The following EIF2B3 variants were observed in gnomAD, a reference collection of about 807,000 sequenced individuals.
EIF2B3 encodes the protein eukaryotic translation initiation factor 2B subunit gamma.
EIF2B3 carries 20 observed loss-of-function variants against 54.1 expected under a neutral mutation model. That is an observed-to-expected ratio of 0.37 (90% CI 0.26 to 0.54). The LOEUF (loss-of-function observed/expected upper bound fraction) is 0.54. Ranked by LOEUF, EIF2B3 falls within the 20% of genes least tolerant of loss-of-function variation. The pLI is 0.86. For missense variants in EIF2B3, 448 were observed against 547.8 expected, an observed-to-expected ratio of 0.82 and a Z score of 1.82; for synonymous variants, 153 against 188.1, an observed-to-expected ratio of 0.81 and a Z score of 1.52.
chr1:44,925,129 C>T (rs1008087310), intron 5 of EIF2B3: 1 of 152,068 alleles, frequency 6.6e-6, no homozygotes, highest in Admixed American at 6.6e-5. Context: ...GTAGTTTCCT[C>T]AAAAAATTAA....
At chr1:44,956,404 T>TA (rs1644225409) in intron 3 of EIF2B3, among the ~76,000 whole-genome samples, 1 of 151,836 alleles carries the variant, frequency 6.6e-6, no homozygotes, top group Non-Finnish European at 1.5e-5. Flanking sequence ...TTAGGAGAAA[T>TA]ACCTAATGTA....
chr1:44,876,255 G>A (rs1172961676), intron 8 of EIF2B3, among the ~76,000 whole-genome samples: 3 of 150,988 alleles, frequency 2.0e-5, no homozygotes, highest in East Asian at 4.0e-4. Context: ...CATCTAGGAG[G>A]TGAGGAGCAC....
chr1:44,899,955 G>A (rs886785309), intron 5 of EIF2B3, among the ~76,000 whole-genome samples: 2 of 152,142 alleles, frequency 1.3e-5, no homozygotes, highest in African/African-American at 4.8e-5. Context: ...CAGTGGACTG[G>A]ATAAAGAAAA....
intron 6 of EIF2B3, among the ~76,000 whole-genome samples, chr1:44,891,642 A>G (rs78522786): frequency 0.02 from 2,983 of 152,208 alleles, 68 homozygotes; most frequent in African/African-American, 0.053. Flanking sequence ...CTGTTTCTTA[A>G]CCTGAATATA....
intron 3 of EIF2B3, among the ~76,000 whole-genome samples, chr1:44,948,187 T>G (rs1644123620): frequency 6.6e-6 from 1 of 152,228 alleles, no homozygotes; most frequent in Non-Finnish European, 1.5e-5. Flanking sequence ...ACCAACTCAG[T>G]CAGTAAGTAA....
At chr1:44,890,943 A>T (rs1354567016) in intron 6 of EIF2B3, among the ~76,000 whole-genome samples, 3 of 152,012 alleles carry the variant, frequency 2.0e-5, no homozygotes, top group Non-Finnish European at 4.4e-5. Flanking sequence ...AAGACTTTCA[A>T]CTTCTCTTCA....
chr1:44,944,739 T>C (rs559688452), intron 3 of EIF2B3, among the ~76,000 whole-genome samples: 3 of 152,192 alleles, frequency 2.0e-5, no homozygotes, highest in South Asian at 2.1e-4. Context: ...GGCAAGAGGA[T>C]TGCTTAAACC....
intron 3 of EIF2B3, among the ~76,000 whole-genome samples, chr1:44,945,302 C>A (rs1029645954): frequency 1.3e-5 from 2 of 151,778 alleles, no homozygotes; most frequent in Non-Finnish European, 2.9e-5. Flanking sequence ...CACCTGTAAT[C>A]CCAGCACTTT....
At chr1:44,921,024 C>G (rs1351128291) in intron 5 of EIF2B3, among the ~76,000 whole-genome samples, 1 of 152,108 alleles carries the variant, frequency 6.6e-6, no homozygotes, top group African/African-American at 2.4e-5. Flanking sequence ...TATGAGAGTT[C>G]CCCTTTCTCT....
At chr1:44,887,538 C>T (rs1383378704) in intron 6 of EIF2B3, among the ~76,000 whole-genome samples, 1 of 152,190 alleles carries the variant, frequency 6.6e-6, no homozygotes. Flanking sequence ...AGATAACTTA[C>T]AGTAGAACGT....
intron 4 of EIF2B3, among the ~76,000 whole-genome samples, chr1:44,927,084 A>G (rs1643862813): frequency 6.6e-6 from 1 of 151,886 alleles, no homozygotes; most frequent in Admixed American, 6.6e-5. Flanking sequence ...CAGTGAGCTG[A>G]GATCGTGCCA....
intron 3 of EIF2B3, among the ~76,000 whole-genome samples, chr1:44,963,695 C>T (rs955376529): frequency 2.0e-5 from 3 of 152,288 alleles, no homozygotes; most frequent in African/African-American, 7.2e-5. Context: ...AATTGTACTG[C>T]ACCTTTCCAC....
chr1:44,918,671 G>A (rs555662554), intron 5 of EIF2B3, among the ~76,000 whole-genome samples: 23 of 152,272 alleles, frequency 1.5e-4, no homozygotes, highest in Admixed American at 1.2e-3. Context: ...GATTACAGGC[G>A]TAAGCCACTG....
chr1:44,893,587 G>T (rs947806384), intron 6 of EIF2B3, among the ~76,000 whole-genome samples: 1 of 152,094 alleles, frequency 6.6e-6, no homozygotes, highest in South Asian at 2.1e-4. Context: ...GAGAACTATT[G>T]TAAGAAATGA....
chr1:44,964,281 AG>A (rs1644314595), intron 3 of EIF2B3, among the ~76,000 whole-genome samples: 1 of 152,210 alleles, frequency 6.6e-6, no homozygotes, highest in African/African-American at 2.4e-5. Context: ...CCACCAAAGC[AG>A]TCTTAAGGAA....
intron 11 of EIF2B3, among the ~76,000 whole-genome samples, chr1:44,851,262 A>G (rs1023041497): frequency 1.3e-5 from 2 of 152,064 alleles, no homozygotes; most frequent in Admixed American, 6.5e-5. Flanking sequence ...ATGGGGTTTC[A>G]CCGTGTTGGC....
chr1:44,899,666 A>AAAC (rs373660820), intron 5 of EIF2B3, among the ~76,000 whole-genome samples: 40 of 152,268 alleles, frequency 2.6e-4, no homozygotes, highest in Admixed American at 4.6e-4. Flanking sequence ...TTAAAAAGTC[A>AAAC]AACAACAACA....
At chr1:44,947,013 C>T (rs1472640385) in intron 3 of EIF2B3, among the ~76,000 whole-genome samples, 1 of 152,196 alleles carries the variant, frequency 6.6e-6, no homozygotes, top group Admixed American at 6.5e-5. Context: ...GTTCCCTGAA[C>T]ATGCCAACAC....
At chr1:44,880,910 G>C (rs567618726) in intron 7 of EIF2B3, among the ~76,000 whole-genome samples, 1 of 151,944 alleles carries the variant, frequency 6.6e-6, no homozygotes, top group East Asian at 1.9e-4. Flanking sequence ...GCAGTGAGCC[G>C]AGATTGCGCC....
Sources: gnomAD v4.1 joint callset for allele counts (sites outside exome capture counted in the v4.1 genomes callset) on GRCh38, gnomAD v4.1.1 for gene constraint, MANE v1.5 for transcripts, NCBI Gene and HGNC (gene_info 2026-07-23, HGNC 2026-07-21) for gene names.